ASIC5: variants seen among roughly 807,000 people sequenced by gnomAD.
The protein encoded by ASIC5 is acid sensing ion channel subunit family member 5.
Under a neutral mutation model 51.2 loss-of-function variants are expected in ASIC5, and 52 were observed. The ratio of observed to expected loss-of-function variants is 1.02; its 90% CI spans 0.81 to 1.28. The LOEUF is 1.28. Among genes scored for constraint, ASIC5 ranks in the 50% most tolerant of loss-of-function variants. The pLI is 0.00. For synonymous variants in ASIC5, 231 were observed against 200.7 expected (o/e 1.15, Z -1.28); for missense variants, 635 against 595.0 (o/e 1.07, Z -0.70).
chr4:155,839,010 A>G (rs879761774), intron 6 of ASIC5, 141 bp from the exon 7 acceptor site: 2 of 572,358 alleles, frequency 3.5e-6, no homozygotes, highest in Non-Finnish European at 6.3e-6. Flanking sequence ...CTATTCTTTC[A>G]TAAGCAAAAC....
intron 7 of ASIC5, 81 bp from the exon 8 acceptor site, chr4:155,836,938 T>C: frequency 6.5e-6 from 7 of 1,081,522 alleles, no homozygotes; most frequent in Non-Finnish European, 9.2e-6. Flanking sequence ...AGTTTATCAT[T>C]TCACTTTCAA....
chr4:155,855,738 A>G (rs1560750760), intron 2 of ASIC5, among the ~76,000 whole-genome samples: 1 of 149,850 alleles, frequency 6.7e-6, no homozygotes, highest in Admixed American at 6.7e-5. Flanking sequence ...GTATATATAT[A>G]CATATATATA....
intron 9 of ASIC5, 39 bp downstream of exon 9, chr4:155,831,777 ATAAATAAG>A: frequency 8.0e-7 from 1 of 1,257,070 alleles, no homozygotes; most frequent in Non-Finnish European, 1.2e-6. Flanking sequence ...CTGTCTCAAA[ATAAATAAG>A]TAAATAAATA....
In ASIC5 at chr4:155,859,378, A is replaced by G. The variant is rs577764582; in HGVS notation, c.347+4070T>C. 5.9e-5 allele frequency among the ~76,000 whole-genome samples: 9 copies of G among 152,126 alleles called. No individual in the cohort carries two copies. The South Asian group carries it at 1.7e-3, about 28-fold the overall frequency. ...TTGATTTCATGACTATTACCAAAAAAATTTTGTCATATAGAGGAGGGAAGT... is the reference window on the plus strand; with the variant it reads ...TTGATTTCATGACTATTACCAAAAAGATTTTGTCATATAGAGGAGGGAAGT... On this transcript the variant is annotated intron_variant, in intron 2 of 9. Coordinates refer to ENST00000537611, the MANE Select transcript of ASIC5 (RefSeq NM_017419.3).
intron 1 of ASIC5, among the ~76,000 whole-genome samples, chr4:155,865,819 T>C (rs1741848476): frequency 6.6e-6 from 1 of 152,148 alleles, no homozygotes; most frequent in African/African-American, 2.4e-5. Flanking sequence ...TTATGACAAC[T>C]AGACCTTGCA....
chr4:155,841,132 G>T (rs1741109308), intron 6 of ASIC5, among the ~76,000 whole-genome samples: 1 of 152,092 alleles, frequency 6.6e-6, no homozygotes, highest in African/African-American at 2.4e-5. Context: ...AGCCAGCTCT[G>T]CATGAATTAG....
intron 6 of ASIC5, among the ~76,000 whole-genome samples, chr4:155,841,898 A>G (rs1741128693): frequency 6.6e-6 from 1 of 152,152 alleles, no homozygotes; most frequent in Admixed American, 6.6e-5. Flanking sequence ...AAGAATGGAA[A>G]ACAATTTAGT....
At position 155,838,871 on chromosome 4, in the gene ASIC5, T is replaced by C. The variant is rs764060894; in HGVS notation, c.1010-2A>G. 1 of 1,540,442 alleles carries C rather than the reference T, an allele frequency of 6.5e-7. No individual in the cohort carries two copies. The highest frequency in any genetic ancestry group is 8.9e-7 in the Non-Finnish European group (1 of 1,117,696). On this transcript the variant is annotated splice_acceptor_variant, in intron 6 of 9. Transcript: ENST00000537611. LOFTEE classifies it high-confidence loss of function. ...GTAGGTCACATTCTATCCCATATCC[T>C]TAAAAATAATAAGTGTAACATATAG...
chr4:155,859,106 C>T (rs1311818141), intron 2 of ASIC5, among the ~76,000 whole-genome samples: 1 of 151,892 alleles, frequency 6.6e-6, no homozygotes, highest in Admixed American at 6.6e-5. Context: ...TATTTAGGAA[C>T]AAAATGGGAA....
At chr4:155,849,591 G>T (rs1466697215) in intron 4 of ASIC5, among the ~76,000 whole-genome samples, 1 of 151,972 alleles carries the variant, frequency 6.6e-6, no homozygotes, top group Non-Finnish European at 1.5e-5. Context: ...CAAAACTAGG[G>T]TACACCTGTT....
rs1310793562 is a variant in ASIC5, at chr4:155,863,611, T to G, written c.184A>C (p.Arg62=). ...AGAACCACCACCAACCAGAGCACCC[T>G]GCGAATTTTGCTCCGGTTCTGAACA... ...NIVQNRSKIR[R]VLWLVVVLGS... The change falls in exon 2 of 10, where the codon AGG becomes CGG. Residue 62 remains arginine (R), a synonymous_variant. Transcript: ENST00000537611. 6.2e-7 allele frequency: 1 copy of G among 1,613,790 alleles called. No homozygotes were observed. The highest frequency in any genetic ancestry group is 1.1e-5 in the South Asian group (1 of 91,074).
At chr4:155,845,397 T>C (rs1410881106) in intron 4 of ASIC5, among the ~76,000 whole-genome samples, 1 of 112,502 alleles carries the variant, frequency 8.9e-6, no homozygotes, top group Non-Finnish European at 2.0e-5. Flanking sequence ...GTCTTTTTTT[T>C]GAGCAAAAGT....
chr4:155,861,692 T>C (rs1185258519), intron 2 of ASIC5, among the ~76,000 whole-genome samples: 2 of 152,060 alleles, frequency 1.3e-5, no homozygotes, highest in Non-Finnish European at 2.9e-5. Context: ...ATAGTTAGAT[T>C]TGCATCTGCC....
At chr4:155,851,545 A>G (rs1326831916) in intron 4 of ASIC5, among the ~76,000 whole-genome samples, 1 of 152,054 alleles carries the variant, frequency 6.6e-6, no homozygotes, top group East Asian at 1.9e-4. Context: ...GTGTAATACT[A>G]GAAGTAGTTA....
At chr4:155,855,901 G>A (rs185380118) in intron 2 of ASIC5, among the ~76,000 whole-genome samples, 100 of 152,010 alleles carry the variant, frequency 6.6e-4, no homozygotes, top group African/African-American at 2.2e-3. Context: ...TAATGCAGCC[G>A]GGCCTCCTCT....
intron 2 of ASIC5, chr4:155,854,757 G>T: frequency 6.3e-6 from 1 of 159,616 alleles, no homozygotes; most frequent in Non-Finnish European, 1.4e-5. Flanking sequence ...CACCCACACT[G>T]CAATCCATCT....
chr4:155,845,292 A>ATGTGTG (rs762801020), intron 4 of ASIC5, among the ~76,000 whole-genome samples: 2 of 150,882 alleles, frequency 1.3e-5, no homozygotes, highest in African/African-American at 4.9e-5. Context: ...AACATCCAAG[A>ATGTGTG]TGTGTGTGTG....
Position 155,838,793 on chromosome 4 carries a change from A to G in ASIC5, c.1066+20T>C, listed in dbSNP as rs1199869872. 3 of 1,501,964 alleles carry G rather than the reference A, an allele frequency of 2.0e-6. No individual in the cohort carries two copies. The highest frequency in any genetic ancestry group is 2.8e-6 in the Non-Finnish European group (3 of 1,086,246). The allele number at this position is 1,501,964 out of a possible 1,614,324, so 93.0% of individuals were successfully genotyped here. On this transcript the variant is annotated intron_variant, in intron 7 of 9. Transcript: ENST00000537611. ...AACTTTAATATAAATCCTGAAAATA[A>G]AAGTAAATTAAGCACTTACCAAGTA... is the stretch of plus-strand genomic sequence containing the variant.
chr4:155,856,020 CA>C (rs1375108671), intron 2 of ASIC5, among the ~76,000 whole-genome samples: 1 of 152,022 alleles, frequency 6.6e-6, no homozygotes, highest in Non-Finnish European at 1.5e-5. Flanking sequence ...ATCTATATAA[CA>C]AGGTCACCTT....
Sources: gnomAD v4.1 joint callset for allele counts (sites outside exome capture counted in the v4.1 genomes callset) on GRCh38, gnomAD v4.1.1 for gene constraint, MANE v1.5 for transcripts, NCBI Gene and HGNC (gene_info 2026-07-23, HGNC 2026-07-21) for gene names.